The following MED1 variants were observed in gnomAD, a reference collection of about 807,000 sequenced individuals.
MED1 encodes mediator of RNA polymerase II transcription subunit 1.
MED1 carries 17 observed loss-of-function variants against 121.3 expected under a neutral mutation model. The observed-to-expected ratio is 0.14, with a 90% CI of 0.10 to 0.21. The LOEUF is 0.21. Ranked by LOEUF, MED1 falls within the 10% of genes least tolerant of loss-of-function variation. The pLI is 1.00. For synonymous variants in MED1, 661 were observed against 694.4 expected, an observed-to-expected ratio of 0.95 and a Z score of 0.76; for missense variants, 1,558 against 1,919.4, an observed-to-expected ratio of 0.81 and a Z score of 3.52.
intron 3 of MED1, among the ~76,000 whole-genome samples, chr17:39,441,224 T>C (rs1016817019): frequency 6.6e-6 from 1 of 152,120 alleles, no homozygotes; most frequent in Non-Finnish European, 1.5e-5. Flanking sequence ...AGGACAAATA[T>C]ATGATTCCAC....
chr17:39,409,439 T>G lies in MED1; in HGVS notation c.2782A>C (p.Thr928Pro). The G allele has an allele frequency of 1.2e-6, 2 of 1,614,184 alleles. No individual in the cohort carries two copies. Among genetic ancestry groups the G allele is most frequent in the Non-Finnish European group, 8.5e-7 (1 of 1,180,042 alleles). Reference sequence around the variant, plus strand: ...ACTGAAATAATACTGAAATCAACTGTGTCGGCTTGGTTATTGCCCTTAAAC... The same window carrying G: ...ACTGAAATAATACTGAAATCAACTGGGTCGGCTTGGTTATTGCCCTTAAAC... ...TKFKGNNQAD[T>P]VDFSIISVAG... Residue 928 changes from threonine to proline, a missense_variant, in exon 17 of 17, where the codon ACA becomes CCA. Physicochemically the swap from Thr to Pro is conservative, Grantham distance 38. Coordinates refer to ENST00000300651, the MANE Select transcript of MED1 (RefSeq NM_004774.4).
chr17:39,439,275 T>C (rs1358564057), intron 5 of MED1, 82 bp from the exon 6 acceptor site: 2 of 1,070,834 alleles, frequency 1.9e-6, no homozygotes, highest in Non-Finnish European at 1.3e-6. Flanking sequence ...TCTTTTTCTA[T>C]AGCACATGTT....
chr17:39,409,370 T>C lies in MED1; in HGVS notation c.2851A>G (p.Ser951Gly). The stretch of plus-strand genomic sequence containing the variant: ...GTCAGTAAAGGACCCTGACTACCAC[T>C]GTGATGCTCCATAAGATCTGCAGGA... The part of the protein sequence containing the change: ...LAPADLMEHH[S>G]GSQGPLLTTG... Residue 951 changes from serine to glycine, a missense_variant, in exon 17 of 17, where the codon AGT becomes GGT. Coordinates refer to ENST00000300651, the MANE Select transcript of MED1 (RefSeq NM_004774.4). 1 of 1,614,116 alleles carries C rather than the reference T, an allele frequency of 6.2e-7. No homozygotes were observed.
In MED1 at chr17:39,406,412, T is replaced by C. The variant is rs2048303977; in HGVS notation, c.*1063A>G. The C allele has an allele frequency of 4.1e-6, 4 of 985,428 alleles. No individual in the cohort carries two copies. The highest frequency in any genetic ancestry group is 4.8e-6 in the Non-Finnish European group (4 of 829,932). 61.0% of individuals were successfully genotyped at this position (985,428 alleles called of 1,614,324 possible). A position where few individuals can be genotyped will look rare whatever the true frequency, so the allele number is the denominator to read the frequency against. On this transcript the variant is annotated 3_prime_UTR_variant, in exon 17 of 17. Transcript: ENST00000300651. ...GGCATCAGTTCTCCTGCAAACAAAA[T>C]GCTGGGATGCAGACTTTTGGCACAT...
Position 39,434,424 on chromosome 17 carries a change from T to C in MED1, c.429-104A>G, listed in dbSNP as rs2048599105. ...AAAAATCACAGCTATATAAAACTGA[T>C]TTTAATAATCAGCTTTAACCATTTT... is the stretch of plus-strand genomic sequence containing the variant. On this transcript the variant is annotated intron_variant, in intron 6 of 16. Transcript: ENST00000300651. The C allele has an allele frequency of 7.1e-6, 4 of 561,852 alleles. No individual in the cohort carries two copies. The East Asian group carries it at 1.3e-4, about 19-fold the overall frequency. 34.8% of individuals were successfully genotyped at this position (561,852 alleles called of 1,614,324 possible).
At chr17:39,424,368 G>A (rs903639012) in intron 11 of MED1, among the ~76,000 whole-genome samples, 3 of 152,106 alleles carry the variant, frequency 2.0e-5, no homozygotes, top group Non-Finnish European at 2.9e-5. Flanking sequence ...ACTAATGAAC[G>A]TAAGATAAAA....
rs752731725 is a variant in MED1, at chr17:39,409,269, C to G, written c.2952G>C (p.Ser984=). ...CTGGTTTGCTGTCTAATCCGGGCCCCGAGAGAGTACTATTACTGGTGCCAT... is the reference window on the plus strand; with the variant it reads ...CTGGTTTGCTGTCTAATCCGGGCCCGGAGAGAGTACTATTACTGGTGCCAT... ...EGNGTSNSTL[S]GPGLDSKPGK... is the part of the protein sequence containing the mutation. The change falls in exon 17 of 17, where the codon TCG becomes TCC. Residue 984 remains serine, a synonymous_variant. Transcript: ENST00000300651. The G allele has an allele frequency of 1.9e-6, 3 of 1,614,082 alleles. No individual in the cohort carries two copies. The South Asian group carries it at 3.3e-5, about 18-fold the overall frequency.
Position 39,412,228 on chromosome 17 carries a change from C to CTT in MED1, c.1500-1509_1500-1508dup, listed in dbSNP as rs1163616624. Among the ~76,000 whole-genome samples, 155 of 132,250 alleles carry CTT rather than the reference C, an allele frequency of 1.2e-3. 1 individual carries two copies. Among genetic ancestry groups the CTT allele is most frequent in the African/African-American group, 3.7e-3 (129 of 34,514 alleles). 86.8% of individuals were successfully genotyped at this position (132,250 alleles called of 152,430 possible). A position where few individuals can be genotyped will look rare whatever the true frequency, so the allele number is the denominator to read the frequency against. On this transcript the variant is annotated intron_variant, in intron 16 of 16. Transcript: ENST00000300651. ...AACATATGTCAGCAAATTTTTTTTT[C>CTT]TTTTTTTTTTTTTTTTTGAGACGGA...
chr17:39,447,527 G>A (rs570343165), intron 2 of MED1, among the ~76,000 whole-genome samples: 3 of 152,006 alleles, frequency 2.0e-5, no homozygotes, highest in African/African-American at 7.2e-5. Context: ...TATGTGTTTA[G>A]ACTTGGGTCC....
At chr17:39,429,702 TAAAA>T (rs757034804) in intron 9 of MED1, among the ~76,000 whole-genome samples, 3 of 48,966 alleles carry the variant, frequency 6.1e-5, no homozygotes, top group Non-Finnish European at 9.8e-5. Flanking sequence ...CCTAAATGCC[TAAAA>T]AAAAAAAAAA....
At chr17:39,422,866 T>TC (rs1187841028) in intron 13 of MED1, among the ~76,000 whole-genome samples, 7 of 140,582 alleles carry the variant, frequency 5.0e-5, no homozygotes, top group Non-Finnish European at 9.4e-5. Flanking sequence ...GAGATTTCTT[T>TC]TTTTTTTTTT....
chr17:39,451,208 G>A lies in MED1; in HGVS notation c.-146C>T, dbSNP rs1032419535. On this transcript the variant is annotated 5_prime_UTR_variant, in exon 1 of 17. Coordinates refer to ENST00000300651, the MANE Select transcript of MED1 (RefSeq NM_004774.4). ...CGGGAAGGATCAATCTGAAGTCCCC[G>A]GCGGCAAGAAGAGAAGGGTGCTCGA... The A allele has an allele frequency of 1.1e-5, 10 of 912,614 alleles. No individual in the cohort carries two copies. Among genetic ancestry groups the A allele is most frequent in the African/African-American group, 3.4e-5 (2 of 58,338 alleles). 56.5% of individuals were successfully genotyped at this position (912,614 alleles called of 1,614,324 possible).
At chr17:39,427,249 T>C (rs2048523210) in intron 10 of MED1, among the ~76,000 whole-genome samples, 1 of 152,170 alleles carries the variant, frequency 6.6e-6, no homozygotes, top group South Asian at 2.1e-4. Flanking sequence ...TGACGCAATC[T>C]TGACTCACTG....
In MED1 at chr17:39,409,005, C is replaced by G. The variant is rs2048330274; in HGVS notation, c.3216G>C (p.Val1072=). ...KITIQIPKGT[V]MVGKPSSHSQ... ...TGTGAGAGGAAGGCTTGCCCACCAT[C>G]ACTGTTCCCTTAGGAATCTGAATAG... The change falls in exon 17 of 17, where the codon GTG becomes GTC. Residue 1072 remains valine, a synonymous_variant. Coordinates refer to ENST00000300651, the MANE Select transcript of MED1 (RefSeq NM_004774.4). 1 of 1,614,068 alleles carries G rather than the reference C, an allele frequency of 6.2e-7. No homozygotes were observed. The highest frequency in any genetic ancestry group is 1.1e-5 in the South Asian group (1 of 91,088).
chr17:39,431,347 A>C, intron 8 of MED1, 159 bp from the exon 9 acceptor site: 15 of 513,736 alleles, frequency 2.9e-5, no homozygotes, highest in Non-Finnish European at 3.8e-5. Flanking sequence ...GTACAATCTC[A>C]GCTCACCGCA....
rs1293219154 is a variant in MED1, at chr17:39,419,751, A to C, written c.1263T>G (p.Ile421Met). The C allele has an allele frequency of 6.2e-7, 1 of 1,613,894 alleles. No homozygotes were observed. Among genetic ancestry groups the C allele is most frequent in the Non-Finnish European group, 8.5e-7 (1 of 1,179,788 alleles). The change falls in exon 14 of 17, where the codon ATT (isoleucine) becomes ATG (methionine). Residue 421 changes from isoleucine (I) to methionine (M), a missense_variant. Around this residue, in one of 5 missense-constraint regions of MED1, gnomAD observed 443 missense variants for 532.4 expected, o/e 0.83. Coordinates refer to ENST00000300651, the MANE Select transcript of MED1 (RefSeq NM_004774.4). The part of the protein sequence containing the change: ...IRHQVAYNTL[I>M]GSCVKRTILK... ...GAATAGTTCTTTTGACACAGCTTCC[A>C]ATGAGGGTGTTATAGGCCACTTGGT...
In MED1 at chr17:39,409,288, G is replaced by A. The variant is rs2048333145; in HGVS notation, c.2933C>T (p.Thr978Ile). The A allele has an allele frequency of 6.2e-7, 1 of 1,613,886 alleles. No homozygotes were observed. Among genetic ancestry groups the A allele is most frequent in the African/African-American group, 1.3e-5 (1 of 74,824 alleles). ...GGGCCCCGAGAGAGTACTATTACTG[G>A]TGCCATTGCCTTCCTTTACCCTCTT... ...TQKRVKEGNG[T>I]SNSTLSGPGL... Residue 978 changes from threonine (T) to isoleucine (I), a missense_variant, in exon 17 of 17, where the codon ACC becomes ATC. Physicochemically the swap from Thr to Ile is moderately conservative, Grantham distance 89 (BLOSUM62 -1). Transcript: ENST00000300651.
chr17:39,414,960 G>A lies in MED1; in HGVS notation c.1499+66C>T, dbSNP rs879703933. The A allele has an allele frequency of 4.8e-5, 69 of 1,427,238 alleles. No individual in the cohort carries two copies. The highest frequency in any genetic ancestry group is 1.7e-4 in the African/African-American group (12 of 70,814). The allele number at this position is 1,427,238 out of a possible 1,614,324, so 88.4% of individuals were successfully genotyped here. A position where few individuals can be genotyped will look rare whatever the true frequency, so the allele number is the denominator to read the frequency against. The stretch of plus-strand genomic sequence containing the variant: ...GGGGATTACAGGCGTGAGCCACCGC[G>A]CCCTACTCAACAACATTCTTTATAC... On this transcript the variant is annotated intron_variant, in intron 16 of 16. Coordinates refer to ENST00000300651, the MANE Select transcript of MED1 (RefSeq NM_004774.4).
At chr17:39,419,232 ACAC>A (rs954013773) in intron 14 of MED1, among the ~76,000 whole-genome samples, 24 of 151,750 alleles carry the variant, frequency 1.6e-4, no homozygotes, top group African/African-American at 5.3e-4. Context: ...CCACAGGCGC[ACAC>A]CACCACAACT....
Sources: allele counts gnomAD v4.1 joint callset (sites outside exome capture counted in the v4.1 genomes callset), GRCh38; gene constraint gnomAD v4.1.1; regional missense constraint gnomAD v4.1.1; transcripts MANE v1.5; gene names NCBI Gene and HGNC (gene_info 2026-07-23, HGNC 2026-07-21).